SORCS3: variants seen among roughly 807,000 people sequenced by gnomAD.
SORCS3 encodes VPS10 domain-containing receptor SorCS3.
In SORCS3, 57 loss-of-function variants were observed where a neutral mutation model predicts 146.3. That is an observed-to-expected ratio of 0.39 (90% confidence interval 0.31 to 0.49). The LOEUF is 0.49. Ranked by LOEUF, SORCS3 falls within the 20% of genes least tolerant of loss-of-function variation. SORCS3 has a pLI of 0.92. For missense variants in SORCS3, 1,341 were observed against 1,575.5 expected, an observed-to-expected ratio of 0.85 and a Z score of 2.52; for synonymous variants, 653 against 618.5, an observed-to-expected ratio of 1.06 and a Z score of -0.83.
intron 1 of SORCS3, among the ~76,000 whole-genome samples, chr10:104,778,970 C>T (rs2017342952): frequency 6.6e-6 from 1 of 152,102 alleles, no homozygotes; most frequent in Non-Finnish European, 1.5e-5. Context: ...GAGGGGGGAT[C>T]ATTTTGGATT....
chr10:105,128,106 C>T (rs2055989239), intron 7 of SORCS3, among the ~76,000 whole-genome samples: 1 of 152,094 alleles, frequency 6.6e-6, no homozygotes, highest in African/African-American at 2.4e-5. Context: ...TTGGTATTTC[C>T]TTCATGGGGT....
In SORCS3 at chr10:105,147,757, C is replaced by A; in HGVS notation, c.1443C>A (p.Ser481Arg). Residue 481 changes from serine (S) to arginine (R), a missense_variant, in exon 9 of 27, where the codon AGC becomes AGA. Coordinates refer to ENST00000369701, the MANE Select transcript of SORCS3 (RefSeq NM_014978.3). ...FTLAMENIKS[S>R]RGLMGNIIIE... ...TGGCCATGGAGAACATCAAGAGCAG[C>A]AGAGGTCTAATGGGGAACATCATTA... 4 of 1,612,930 alleles carry A rather than the reference C, an allele frequency of 2.5e-6. No individual in the cohort carries two copies. The highest frequency in any genetic ancestry group is 3.4e-6 in the Non-Finnish European group (4 of 1,179,234).
At chr10:105,225,639 G>T (rs999987118) in intron 20 of SORCS3, among the ~76,000 whole-genome samples, 3 of 151,914 alleles carry the variant, frequency 2.0e-5, no homozygotes, top group African/African-American at 7.3e-5. Context: ...ATTTTGATGG[G>T]CATTGGATTG....
intron 1 of SORCS3, among the ~76,000 whole-genome samples, chr10:104,742,017 G>A (rs561331857): frequency 6.6e-6 from 1 of 151,650 alleles, no homozygotes; most frequent in African/African-American, 2.4e-5. Flanking sequence ...TTAAAAAATT[G>A]TATCCTGGAC....
At chr10:105,255,196 A>AG in intron 23 of SORCS3, among the ~76,000 whole-genome samples, 1 of 151,180 alleles carries the variant, frequency 6.6e-6, no homozygotes, top group African/African-American at 2.4e-5. Context: ...CAAAAAAAAA[A>AG]AAAAAAAAAA....
At chr10:104,881,162 A>G (rs1349208785) in intron 2 of SORCS3, among the ~76,000 whole-genome samples, 6 of 152,248 alleles carry the variant, frequency 3.9e-5, no homozygotes, top group South Asian at 2.1e-4. Flanking sequence ...TACTGGTTCC[A>G]CTGATCATTA....
At chr10:104,797,877 A>G (rs1295756785) in intron 1 of SORCS3, among the ~76,000 whole-genome samples, 2 of 152,168 alleles carry the variant, frequency 1.3e-5, no homozygotes, top group Admixed American at 6.5e-5. Context: ...AAACAAAACA[A>G]AATAAAGAAA....
chr10:104,788,311 TA>T (rs1368186426), intron 1 of SORCS3, among the ~76,000 whole-genome samples: 1 of 152,174 alleles, frequency 6.6e-6, no homozygotes, highest in Non-Finnish European at 1.5e-5. Context: ...TTAAATCAGT[TA>T]TGGTGCATTT....
chr10:104,778,428 T>C (rs2017337568), intron 1 of SORCS3, among the ~76,000 whole-genome samples: 3 of 152,248 alleles, frequency 2.0e-5, no homozygotes, highest in African/African-American at 7.2e-5. Context: ...TGGATTTTAA[T>C]GTCAGCTCTG....
intron 2 of SORCS3, among the ~76,000 whole-genome samples, chr10:104,868,122 G>C (rs936117777): frequency 9.2e-5 from 14 of 152,144 alleles, no homozygotes; most frequent in African/African-American, 3.4e-4. Context: ...CTCAGCCCAG[G>C]TGGTTACATT....
At chr10:104,950,261 T>A (rs1468364806) in intron 3 of SORCS3, among the ~76,000 whole-genome samples, 1 of 152,198 alleles carries the variant, frequency 6.6e-6, no homozygotes, top group African/African-American at 2.4e-5. Flanking sequence ...ATACTGCCTA[T>A]TGCCTGTTTG....
intron 1 of SORCS3, among the ~76,000 whole-genome samples, chr10:104,797,455 T>C (rs1264802738): frequency 6.6e-6 from 1 of 152,126 alleles, no homozygotes. Context: ...CCTTGGCCAG[T>C]TTTGCTGCTT....
At chr10:105,047,199 G>T (rs115424631) in intron 5 of SORCS3, among the ~76,000 whole-genome samples, 81 of 151,890 alleles carry the variant, frequency 5.3e-4, no homozygotes, top group African/African-American at 1.8e-3. Context: ...CTTTGCTCCT[G>T]TGACTCTGCA....
In SORCS3 at chr10:105,263,415, AT is replaced by A. The variant is rs1243383498; in HGVS notation, c.*46del. Reference sequence around the variant, plus strand: ...TGGTCAACCACCTTTCTGACTTTTTATTTTTGATGATTACTATTACTATTAT... The same window carrying A: ...TGGTCAACCACCTTTCTGACTTTTTATTTTGATGATTACTATTACTATTAT... On this transcript the variant is annotated 3_prime_UTR_variant, in exon 27 of 27. Transcript: ENST00000369701. 6.4e-7 allele frequency: 1 copy of A among 1,557,572 alleles called. No individual in the cohort carries two copies. Among genetic ancestry groups the A allele is most frequent in the African/African-American group, 1.4e-5 (1 of 73,636 alleles).
At chr10:104,735,781 A>C (rs1353910843) in intron 1 of SORCS3, among the ~76,000 whole-genome samples, 1 of 152,094 alleles carries the variant, frequency 6.6e-6, no homozygotes, top group East Asian at 1.9e-4. Flanking sequence ...GACCTGTAGC[A>C]TGGGCTCCAG....
At chr10:104,864,000 C>A (rs2018433425) in intron 2 of SORCS3, among the ~76,000 whole-genome samples, 1 of 152,092 alleles carries the variant, frequency 6.6e-6, no homozygotes, top group Non-Finnish European at 1.5e-5. Flanking sequence ...CAAGTGAGGG[C>A]AATATGTGCT....
intron 9 of SORCS3, among the ~76,000 whole-genome samples, chr10:105,156,505 C>T (rs2056210462): frequency 6.6e-6 from 1 of 152,116 alleles, no homozygotes; most frequent in Admixed American, 6.5e-5. Context: ...GAGTGCTTTG[C>T]ATAGTCTCAT....
intron 9 of SORCS3, among the ~76,000 whole-genome samples, chr10:105,154,422 C>T (rs1472687749): frequency 6.6e-6 from 1 of 152,216 alleles, no homozygotes; most frequent in African/African-American, 2.4e-5. Flanking sequence ...CAGCATTCCG[C>T]CAAGGGGCCT....
chr10:104,974,814 G>C (rs1395916458), intron 3 of SORCS3, among the ~76,000 whole-genome samples: 1 of 152,196 alleles, frequency 6.6e-6, no homozygotes, highest in Non-Finnish European at 1.5e-5. Context: ...AATTTGGCCT[G>C]ATTTTGCAGT....
Sources: allele counts gnomAD v4.1 joint callset (sites outside exome capture counted in the v4.1 genomes callset), GRCh38; gene constraint gnomAD v4.1.1; transcripts MANE v1.5; gene names NCBI Gene and HGNC (gene_info 2026-07-23, HGNC 2026-07-21).